Variants in CDH10 observed in about 807,000 individuals in gnomAD.
CDH10 encodes cadherin-10.
A neutral mutation model predicts 73.1 loss-of-function variants in CDH10; 30 were observed. The ratio of observed to expected loss-of-function variants is 0.41; its 90% CI spans 0.31 to 0.56. The LOEUF is 0.56. CDH10 is among the 20% of genes least tolerant of loss of function. The pLI is 0.27. For synonymous variants in CDH10, 345 were observed against 348.2 expected (o/e 0.99, Z 0.10); for missense variants, 815 against 973.7 (o/e 0.84, Z 2.17).
chr5:24,528,900 AG>A (rs964844511), intron 5 of CDH10, among the ~76,000 whole-genome samples: 72 of 152,072 alleles, frequency 4.7e-4, no homozygotes, highest in African/African-American at 1.7e-3. Flanking sequence ...TTCATGAACA[AG>A]TGACTTTACA....
chr5:24,491,864 A>G (rs1199353732), intron 10 of CDH10, 37 bp from the exon 11 acceptor site: 2 of 1,433,620 alleles, frequency 1.4e-6, no homozygotes, highest in Admixed American at 1.9e-5. Context: ...ATGGTTTGGG[A>G]TAGTAAATTT....
chr5:24,592,632 G>A (rs576572936), intron 2 of CDH10, among the ~76,000 whole-genome samples: 1 of 151,872 alleles, frequency 6.6e-6, no homozygotes, highest in African/African-American at 2.4e-5. Context: ...TTATAATTCT[G>A]TAGAATGAAA....
intron 2 of CDH10, among the ~76,000 whole-genome samples, chr5:24,585,310 TTG>T (rs1434080086): frequency 6.6e-6 from 1 of 152,170 alleles, no homozygotes; most frequent in African/African-American, 2.4e-5. Context: ...TGTAATGAGT[TTG>T]TATCACTCAA....
In CDH10 at chr5:24,530,514, A is replaced by T. The variant is rs570982218; in HGVS notation, c.814+4598T>A. On this transcript the variant is annotated intron_variant, in intron 5 of 11. Transcript: ENST00000264463. Reference sequence around the variant, plus strand: ...GGGTAAACAGGACTAAAAATATTCAAGTGAAAATACCAGGCAGATAGATTT... The same window carrying T: ...GGGTAAACAGGACTAAAAATATTCATGTGAAAATACCAGGCAGATAGATTT... 2.6e-5 allele frequency among the ~76,000 whole-genome samples: 4 copies of T among 152,166 alleles called. No homozygotes were observed. In the East Asian group the frequency reaches 7.8e-4, roughly 29 times the overall value.
chr5:24,545,252 C>A (rs1744298240), intron 2 of CDH10, among the ~76,000 whole-genome samples: 3 of 152,120 alleles, frequency 2.0e-5, no homozygotes, highest in African/African-American at 7.2e-5. Context: ...TTTTTCCCCA[C>A]AACTTGGAGA....
chr5:24,501,581 T>A (rs1399437920), intron 8 of CDH10, among the ~76,000 whole-genome samples: 2 of 152,166 alleles, frequency 1.3e-5, no homozygotes, highest in Non-Finnish European at 2.9e-5. Context: ...AAAATGTATG[T>A]CCTAAGGTGA....
chr5:24,584,428 T>A (rs1488401993), intron 2 of CDH10, among the ~76,000 whole-genome samples: 1 of 148,700 alleles, frequency 6.7e-6, no homozygotes, highest in African/African-American at 2.5e-5. Context: ...ATGTTCACGT[T>A]CACATCCTTT....
intron 11 of CDH10, among the ~76,000 whole-genome samples, chr5:24,490,415 T>G (rs576296172): frequency 8.6e-6 from 1 of 116,420 alleles, no homozygotes; most frequent in South Asian, 2.9e-4. Context: ...TTTCATTTCA[T>G]AGTAACAAAT....
chr5:24,495,304 G>C (rs1742227406), intron 9 of CDH10, among the ~76,000 whole-genome samples: 1 of 152,192 alleles, frequency 6.6e-6, no homozygotes, highest in Non-Finnish European at 1.5e-5. Context: ...AAAGTGCACA[G>C]AGAAGTCATT....
chr5:24,604,886 A>AAAAAAAAAAC (rs1746699893), intron 1 of CDH10, among the ~76,000 whole-genome samples: 1 of 150,438 alleles, frequency 6.6e-6, no homozygotes, highest in African/African-American at 2.5e-5. Context: ...AAAAAAAAAA[A>AAAAAAAAAAC]AAAAAAAAAC....
At chr5:24,587,491 C>T (rs192764295) in intron 2 of CDH10, among the ~76,000 whole-genome samples, 110 of 152,176 alleles carry the variant, frequency 7.2e-4, no homozygotes, top group Non-Finnish European at 1.4e-3. Context: ...TGCTTCATTG[C>T]CATTACATAT....
intron 2 of CDH10, among the ~76,000 whole-genome samples, chr5:24,549,090 C>A (rs1172846304): frequency 6.6e-6 from 1 of 152,116 alleles, no homozygotes; most frequent in South Asian, 2.1e-4. Context: ...TAAGTTTAAT[C>A]TTTCAGAGGC....
intron 2 of CDH10, chr5:24,578,555 A>AAT: frequency 3.7e-6 from 1 of 268,708 alleles, no homozygotes; most frequent in Non-Finnish European, 7.7e-6. Context: ...CTGCTCTGCA[A>AAT]ATATATATGC....
intron 2 of CDH10, among the ~76,000 whole-genome samples, chr5:24,552,422 T>C (rs1221837776): frequency 6.6e-6 from 1 of 152,002 alleles, no homozygotes; most frequent in Non-Finnish European, 1.5e-5. Flanking sequence ...TAAATGCCTT[T>C]GTATAATTTA....
At chr5:24,512,776 A>G (rs1043873209) in intron 5 of CDH10, among the ~76,000 whole-genome samples, 1 of 152,166 alleles carries the variant, frequency 6.6e-6, no homozygotes, top group African/African-American at 2.4e-5. Flanking sequence ...GTACACTCTG[A>G]TTATAGCACC....
At chr5:24,625,151 T>C (rs1747450447) in intron 1 of CDH10, among the ~76,000 whole-genome samples, 1 of 152,076 alleles carries the variant, frequency 6.6e-6, no homozygotes, top group South Asian at 2.1e-4. Context: ...AGGCTGAAAA[T>C]ATAATAGGTT....
chr5:24,488,317 C>A (rs1210862880), intron 11 of CDH10, among the ~76,000 whole-genome samples, 164 bp from the exon 12 acceptor site: 1 of 152,074 alleles, frequency 6.6e-6, no homozygotes, highest in African/African-American at 2.4e-5. Flanking sequence ...TCAGGGGAGA[C>A]GCTGAAGGGT....
intron 2 of CDH10, among the ~76,000 whole-genome samples, chr5:24,573,222 A>G (rs2112029402): frequency 6.6e-6 from 1 of 152,118 alleles, no homozygotes; most frequent in African/African-American, 2.4e-5. Flanking sequence ...AGAAATAAAG[A>G]CATGATTGTA....
At chr5:24,522,810 G>A (rs1197212021) in intron 5 of CDH10, among the ~76,000 whole-genome samples, 8 of 152,138 alleles carry the variant, frequency 5.3e-5, no homozygotes, top group Admixed American at 1.3e-4. Context: ...ACCTTTGGGA[G>A]CAATGGTATG....
Sources: gnomAD v4.1 joint callset for allele counts (sites outside exome capture counted in the v4.1 genomes callset) on GRCh38, gnomAD v4.1.1 for gene constraint, MANE v1.5 for transcripts, NCBI Gene and HGNC (gene_info 2026-07-23, HGNC 2026-07-21) for gene names.